DCAKD: variants seen among roughly 807,000 people sequenced by gnomAD.
DCAKD encodes the protein dephospho-CoA kinase domain containing, also known as dephospho-CoA kinase domain-containing protein.
DCAKD carries 15 observed loss-of-function variants against 18.7 expected under a neutral mutation model. The ratio of observed to expected loss-of-function variants is 0.80; its 90% CI spans 0.54 to 1.24. The LOEUF is 1.24. DCAKD is among the 50% of genes most tolerant of loss of function. The probability of loss-of-function intolerance (pLI) is 0.00; values close to 1 mark genes in which losing one functional copy is unlikely to be tolerated. For synonymous variants in DCAKD, 130 were observed against 133.0 expected (o/e 0.98, Z 0.16); for missense variants, 301 against 322.0 (o/e 0.93, Z 0.50).
intron 3 of DCAKD, 44 bp from the exon 4 acceptor site, chr17:45,030,223 C>T (rs1162435999): frequency 1.3e-6 from 2 of 1,558,652 alleles, no homozygotes; most frequent in Non-Finnish European, 1.8e-6. Context: ...TCTGCAAGCG[C>T]ACACTGAGGA....
At chr17:45,055,047 G>GA (rs1284706298), upstream of DCAKD, among the ~76,000 whole-genome samples, 3 of 152,180 alleles carry the variant, frequency 2.0e-5, no homozygotes, top group Non-Finnish European at 4.4e-5. Flanking sequence ...CTGCTACAGG[G>GA]CCTTCAACCC....
In DCAKD at chr17:45,034,963, C is replaced by T. The variant is rs116433116; in HGVS notation, c.-78G>A. 1,210 of 1,482,230 alleles carry T rather than the reference C, an allele frequency of 8.2e-4. 8 individuals are homozygous for T. In the African/African-American group the frequency reaches 0.014, roughly 18 times the overall value. 91.8% of individuals were successfully genotyped at this position (1,482,230 alleles called of 1,614,324 possible). ...CACTGGAGAGCAGGGCAAGTGTGGC[C>T]GATGGGGGCGGTCCACCAGAGGAGT... On this transcript the variant is annotated 5_prime_UTR_variant, in exon 2 of 5. Transcript: ENST00000651974.
chr17:45,036,908 A>C (rs1375775123), intron 1 of DCAKD, among the ~76,000 whole-genome samples: 1 of 152,196 alleles, frequency 6.6e-6, no homozygotes, highest in Non-Finnish European at 1.5e-5. Context: ...GTTAAGCAGC[A>C]GATTTACTGT....
rs529167960 is a variant in DCAKD, at chr17:45,037,473, T to C, written c.-114-2474A>G. Among the ~76,000 whole-genome samples the C allele has an allele frequency of 1.1e-4, 16 of 152,266 alleles. No homozygotes were observed. In the East Asian group the frequency reaches 3.1e-3, roughly 29 times the overall value. On this transcript the variant is annotated intron_variant, in intron 1 of 4. Coordinates refer to ENST00000651974, the MANE Select transcript of DCAKD (RefSeq NM_001288655.2). ...AAATCTAGAAAGAATTTTTTTTTTT[T>C]TAGATGGAATTTCACTCTTGTCGTT...
chr17:45,023,595 T>TG lies in DCAKD; in HGVS notation c.*837_*838insC. 8.2e-6 allele frequency: 1 copy of TG among 122,328 alleles called. No homozygotes were observed. The highest frequency in any genetic ancestry group is 1.7e-5 in the Non-Finnish European group (1 of 60,484). 7.6% of individuals were successfully genotyped at this position (122,328 alleles called of 1,614,324 possible). On this transcript the variant is annotated 3_prime_UTR_variant, in exon 5 of 5. Transcript: ENST00000651974. ...AGACAGTGCCTGAACTGAGAGCTAG[T>TG]TGTAGGTTAAAAAAAAAAAAAAAAA...
intron 1 of DCAKD, among the ~76,000 whole-genome samples, chr17:45,044,190 T>C (rs2053508929): frequency 1.3e-5 from 2 of 152,126 alleles, no homozygotes; most frequent in African/African-American, 4.8e-5. Flanking sequence ...AGGCCATCTA[T>C]GTCCTCCCAG....
intron 1 of DCAKD, among the ~76,000 whole-genome samples, chr17:45,050,756 C>T (rs1567851117): frequency 6.6e-6 from 1 of 151,606 alleles, no homozygotes; most frequent in Non-Finnish European, 1.5e-5. Context: ...AGAATTGAGA[C>T]TTAATGTCAA....
chr17:45,049,425 T>C (rs948870836), intron 1 of DCAKD, among the ~76,000 whole-genome samples: 2 of 150,572 alleles, frequency 1.3e-5, no homozygotes, highest in Non-Finnish European at 2.9e-5. Flanking sequence ...CAAGATCCCA[T>C]CTCGGAAAAA....
upstream of DCAKD, among the ~76,000 whole-genome samples, chr17:45,054,323 C>T (rs1221958675): frequency 6.6e-6 from 1 of 152,014 alleles, no homozygotes; most frequent in Non-Finnish European, 1.5e-5. Flanking sequence ...TCTCAGCTCA[C>T]TGCAACCTCC....
At chr17:45,045,100 A>C (rs2053536017) in intron 1 of DCAKD, among the ~76,000 whole-genome samples, 1 of 151,710 alleles carries the variant, frequency 6.6e-6, no homozygotes, top group South Asian at 2.1e-4. Flanking sequence ...CTAGGTATCT[A>C]GATATCTATA....
At chr17:45,027,134 A>G (rs2053072203) in intron 4 of DCAKD, among the ~76,000 whole-genome samples, 2 of 152,214 alleles carry the variant, frequency 1.3e-5, no homozygotes, top group African/African-American at 4.8e-5. Context: ...TGAGCCCAGG[A>G]GCTTGAGACC....
chr17:45,034,072 T>C lies in DCAKD; in HGVS notation c.316+115A>G, dbSNP rs60046137. 3,116 of 1,599,970 alleles carry C rather than the reference T, an allele frequency of 1.9e-3. 53 individuals are homozygous for C. The African/African-American group carries it at 0.037, about 19-fold the overall frequency. On this transcript the variant is annotated intron_variant, in intron 3 of 4. Coordinates refer to ENST00000651974, the MANE Select transcript of DCAKD (RefSeq NM_001288655.2). ...GTGGAGGGGATGCCAGTAAGCAGTA[T>C]GAACTCATCAGCTGGGATAACCAGC... is the stretch of plus-strand genomic sequence containing the variant.
chr17:45,033,906 T>A (rs1164633124), intron 3 of DCAKD: 2 of 1,420,770 alleles, frequency 1.4e-6, no homozygotes, highest in African/African-American at 2.8e-5. Context: ...CTCTTATTAC[T>A]CCCATCCCTA....
chr17:45,056,496 C>T (rs2053781116), upstream of DCAKD, among the ~76,000 whole-genome samples: 1 of 151,790 alleles, frequency 6.6e-6, no homozygotes, highest in African/African-American at 2.4e-5. Context: ...TTTCCCAAGA[C>T]AGAGTCTTGC....
At chr17:45,031,829 C>T in intron 3 of DCAKD, 2 of 985,444 alleles carry the variant, frequency 2.0e-6, no homozygotes, top group Non-Finnish European at 2.4e-6. Flanking sequence ...AGAGAAGTCC[C>T]CAACAGCTGG....
At chr17:45,045,400 A>G (rs575927565) in intron 1 of DCAKD, among the ~76,000 whole-genome samples, 56 of 152,298 alleles carry the variant, frequency 3.7e-4, no homozygotes, top group African/African-American at 1.3e-3. Flanking sequence ...TGCTGTATCC[A>G]AGGTGCCAAA....
intron 1 of DCAKD, among the ~76,000 whole-genome samples, chr17:45,049,863 G>C (rs1597983043): frequency 6.6e-6 from 1 of 150,966 alleles, no homozygotes; most frequent in Admixed American, 6.6e-5. Flanking sequence ...GGGATTGCAG[G>C]CACCCGCCAC....
At chr17:45,054,835 C>A (rs1195661198), upstream of DCAKD, among the ~76,000 whole-genome samples, 1 of 152,168 alleles carries the variant, frequency 6.6e-6, no homozygotes, top group East Asian at 1.9e-4. Flanking sequence ...GCCTGTCCCC[C>A]CAAATTATCT....
chr17:45,030,221 C>A (rs73311379), intron 3 of DCAKD, 42 bp from the exon 4 acceptor site: 3 of 1,571,636 alleles, frequency 1.9e-6, no homozygotes, highest in South Asian at 1.1e-5. Context: ...ATTCTGCAAG[C>A]GCACACTGAG....
Sources: gnomAD v4.1 joint callset for allele counts (sites outside exome capture counted in the v4.1 genomes callset) on GRCh38, gnomAD v4.1.1 for gene constraint, MANE v1.5 for transcripts, NCBI Gene and HGNC (gene_info 2026-07-23, HGNC 2026-07-21) for gene names.